The following EVA1A variants were observed in gnomAD, a reference collection of about 807,000 sequenced individuals.
EVA1A encodes the protein protein eva-1 homolog A.
A neutral mutation model predicts 9.8 loss-of-function variants in EVA1A; 7 were observed. That is an observed-to-expected ratio of 0.71 (90% CI 0.41 to 1.34). The LOEUF is 1.34. EVA1A is among the 40% of genes most tolerant of loss of function. The pLI, the probability that EVA1A is intolerant of heterozygous loss-of-function variation, is 0.01. For missense variants in EVA1A, 206 were observed against 205.9 expected (o/e 1.00, Z 0.00); for synonymous variants, 90 against 85.6 (o/e 1.05, Z -0.28).
chr2:75,494,423 G>A (rs1048474537), intron 3 of EVA1A, among the ~76,000 whole-genome samples: 1 of 152,184 alleles, frequency 6.6e-6, no homozygotes, highest in Non-Finnish European at 1.5e-5. Flanking sequence ...GGTTACATAA[G>A]ACTGTGATTT....
At chr2:75,531,139 G>C (rs1281040341) in intron 1 of EVA1A, among the ~76,000 whole-genome samples, 1 of 152,122 alleles carries the variant, frequency 6.6e-6, no homozygotes, top group African/African-American at 2.4e-5. Flanking sequence ...CAAGAACTCA[G>C]TCACCTTTAC....
intron 3 of EVA1A, among the ~76,000 whole-genome samples, chr2:75,514,515 T>G (rs1440298864): frequency 6.6e-6 from 1 of 152,126 alleles, no homozygotes; most frequent in Admixed American, 6.6e-5. Flanking sequence ...ACATTTCTTA[T>G]GAAGTAATAT....
chr2:75,539,382 T>C (rs1399606003), intron 1 of EVA1A, among the ~76,000 whole-genome samples: 1 of 152,196 alleles, frequency 6.6e-6, no homozygotes, highest in Non-Finnish European at 1.5e-5. Flanking sequence ...TAACCAAGCA[T>C]AGGTTTAAAC....
chr2:75,555,962 G>A (rs183741924), intron 1 of EVA1A, among the ~76,000 whole-genome samples: 68 of 152,248 alleles, frequency 4.5e-4, no homozygotes, highest in African/African-American at 1.5e-3. Context: ...AGCAGAGATG[G>A]TGCTGGTTCC....
chr2:75,555,146 G>A (rs140906529), intron 1 of EVA1A, among the ~76,000 whole-genome samples: 27 of 152,276 alleles, frequency 1.8e-4, no homozygotes, highest in Non-Finnish European at 2.6e-4. Context: ...TCTGTGGGGA[G>A]CTCAGTGCAA....
At chr2:75,538,175 A>C (rs1675985330) in intron 1 of EVA1A, among the ~76,000 whole-genome samples, 2 of 152,098 alleles carry the variant, frequency 1.3e-5, no homozygotes, top group African/African-American at 4.8e-5. Context: ...CTGTAGTCCC[A>C]GTTTCTCGGG....
intron 3 of EVA1A, among the ~76,000 whole-genome samples, chr2:75,516,851 T>C (rs1156634561): frequency 1.3e-5 from 2 of 152,198 alleles, no homozygotes; most frequent in Non-Finnish European, 1.5e-5. Flanking sequence ...CTCTTCCAGC[T>C]CTTGTGTCCT....
intron 1 of EVA1A, among the ~76,000 whole-genome samples, chr2:75,538,928 G>GT (rs1417411863): frequency 6.6e-6 from 1 of 152,202 alleles, no homozygotes; most frequent in Non-Finnish European, 1.5e-5. Flanking sequence ...TATCTTGACT[G>GT]TATCAATGTC....
intron 1 of EVA1A, among the ~76,000 whole-genome samples, chr2:75,528,810 G>C (rs1675545774): frequency 1.3e-5 from 2 of 152,124 alleles, no homozygotes; most frequent in Middle Eastern, 3.2e-3. Flanking sequence ...TATAACCACA[G>C]CTGATGCTCT....
rs578002404 is a variant in EVA1A, at chr2:75,498,510, A to AGC, written c.86-4902_86-4901insGC. On this transcript the variant is annotated intron_variant, in intron 3 of 3. Transcript: ENST00000393913. ...AGTAAAAAAAACCCCAAAAAACAGA[A>AGC]ACAAAAAACTAATAAGGGAGGGATA... is the stretch of plus-strand genomic sequence containing the variant. Among the ~76,000 whole-genome samples, 282 of 152,262 alleles carry AGC rather than the reference A, an allele frequency of 1.9e-3. 6 individuals are homozygous for AGC. Among genetic ancestry groups the AGC allele is most frequent in the African/African-American group, 6.6e-3 (273 of 41,540 alleles).
intron 1 of EVA1A, among the ~76,000 whole-genome samples, chr2:75,557,142 CT>C (rs910957170): frequency 5.3e-5 from 8 of 152,206 alleles, no homozygotes; most frequent in Admixed American, 5.2e-4. Flanking sequence ...GGGATTACAG[CT>C]GTGCAGGACA....
Position 75,557,017 on chromosome 2 carries a change from T to C in EVA1A, c.-192+3663A>G, listed in dbSNP as rs78361963. Among the ~76,000 whole-genome samples the C allele has an allele frequency of 8.5e-3, 1,294 of 152,184 alleles. 15 individuals carry two copies. Among genetic ancestry groups the C allele is most frequent in the African/African-American group, 0.024 (984 of 41,516 alleles). On this transcript the variant is annotated intron_variant, in intron 1 of 3. Transcript: ENST00000393913. ...CTACTCCACCCTCAAAAGCAGCACT[T>C]ACTAGAATGTTTCCCTGGCCCCTAA...
chr2:75,559,802 G>A lies in EVA1A; in HGVS notation c.-192+878C>T, dbSNP rs367690967. On this transcript the variant is annotated intron_variant, in intron 1 of 3. Coordinates refer to ENST00000393913, the MANE Select transcript of EVA1A (RefSeq NM_001135032.2). The stretch of plus-strand genomic sequence containing the variant: ...TGTATGTGTGGTATAGACCAGCTAG[G>A]ACCCAAATCCTGGCTGGGCCCTTTC... 2.0e-5 allele frequency among the ~76,000 whole-genome samples: 3 copies of A among 151,850 alleles called. No homozygotes were observed. In the East Asian group the frequency reaches 5.8e-4, roughly 29 times the overall value.
intron 3 of EVA1A, among the ~76,000 whole-genome samples, chr2:75,514,425 G>A (rs1343846709): frequency 6.6e-6 from 1 of 152,114 alleles, no homozygotes; most frequent in East Asian, 1.9e-4. Flanking sequence ...AAGAAGCTCA[G>A]GAAGTTAGGA....
upstream of EVA1A, among the ~76,000 whole-genome samples, chr2:75,561,716 AG>A (rs2104000648): frequency 6.6e-6 from 1 of 152,326 alleles, no homozygotes; most frequent in South Asian, 2.1e-4. Flanking sequence ...AAGCTTGGAC[AG>A]AGGGAAGACG....
chr2:75,535,882 C>T (rs956969312), intron 1 of EVA1A, among the ~76,000 whole-genome samples: 5 of 152,090 alleles, frequency 3.3e-5, no homozygotes, highest in African/African-American at 7.2e-5. Context: ...TACCACTGTA[C>T]GATTCATCCA....
At chr2:75,557,596 G>A (rs895989956) in intron 1 of EVA1A, among the ~76,000 whole-genome samples, 1 of 152,226 alleles carries the variant, frequency 6.6e-6, no homozygotes. Flanking sequence ...CACATGCACA[G>A]TAAAGACAAA....
At chr2:75,530,566 G>A (rs1675610738) in intron 1 of EVA1A, among the ~76,000 whole-genome samples, 1 of 152,126 alleles carries the variant, frequency 6.6e-6, no homozygotes, top group Admixed American at 6.6e-5. Flanking sequence ...GATCAAGTGG[G>A]TTTTATGCCA....
At chr2:75,558,021 C>A (rs1676782192) in intron 1 of EVA1A, among the ~76,000 whole-genome samples, 1 of 152,334 alleles carries the variant, frequency 6.6e-6, no homozygotes, top group African/African-American at 2.4e-5. Flanking sequence ...CAGATGTGTG[C>A]GTGAATCTTG....
Sources: allele counts gnomAD v4.1 joint callset (sites outside exome capture counted in the v4.1 genomes callset), GRCh38; gene constraint gnomAD v4.1.1; transcripts MANE v1.5; gene names NCBI Gene and HGNC (gene_info 2026-07-23, HGNC 2026-07-21).